DACH1: variants seen among roughly 807,000 people sequenced by gnomAD.
DACH1 encodes the protein dachshund homolog 1.
A neutral mutation model predicts 54.2 loss-of-function variants in DACH1; 12 were observed. The ratio of observed to expected loss-of-function variants is 0.22; its 90% CI spans 0.14 to 0.36. The LOEUF (loss-of-function observed/expected upper bound fraction) is 0.36. Ranked by LOEUF, DACH1 falls within the 10% of genes least tolerant of loss-of-function variation. DACH1 has a pLI of 1.00. For missense variants in DACH1, 805 were observed against 929.8 expected, an observed-to-expected ratio of 0.87 and a Z score of 1.75; for synonymous variants, 386 against 366.2, an observed-to-expected ratio of 1.05 and a Z score of -0.62.
intron 2 of DACH1, among the ~76,000 whole-genome samples, chr13:71,665,975 A>G (rs1879807635): frequency 6.6e-6 from 1 of 152,142 alleles, no homozygotes. Flanking sequence ...ATGAAATGAT[A>G]TATTAGCTAT....
intron 2 of DACH1, among the ~76,000 whole-genome samples, chr13:71,676,907 T>C (rs1880609347): frequency 6.6e-6 from 1 of 152,200 alleles, no homozygotes; most frequent in African/African-American, 2.4e-5. Context: ...AAAAGACATA[T>C]CCAACAGACA....
chr13:71,477,406 C>T (rs981131064), intron 8 of DACH1, among the ~76,000 whole-genome samples: 11 of 151,780 alleles, frequency 7.2e-5, no homozygotes, highest in African/African-American at 2.7e-4. Flanking sequence ...CAGGTGTGAG[C>T]CACCGTGCCC....
chr13:71,754,148 C>T (rs1885044604), intron 1 of DACH1, among the ~76,000 whole-genome samples: 2 of 151,956 alleles, frequency 1.3e-5, no homozygotes, highest in African/African-American at 2.4e-5. Flanking sequence ...TATGTATTTC[C>T]TCAAGCAAAG....
intron 1 of DACH1, among the ~76,000 whole-genome samples, chr13:71,764,531 G>C (rs917377934): frequency 6.6e-6 from 1 of 152,092 alleles, no homozygotes; most frequent in Non-Finnish European, 1.5e-5. Context: ...AACATAAACA[G>C]CCCACAAAAT....
At chr13:71,444,605 A>C (rs1174129655) in intron 10 of DACH1, among the ~76,000 whole-genome samples, 2 of 152,126 alleles carry the variant, frequency 1.3e-5, no homozygotes, top group African/African-American at 4.8e-5. Context: ...AAAGCAACTA[A>C]AGTATTAAAT....
intron 1 of DACH1, among the ~76,000 whole-genome samples, chr13:71,737,136 T>G (rs1884166892): frequency 4.0e-5 from 6 of 151,686 alleles, no homozygotes; most frequent in Admixed American, 3.9e-4. Flanking sequence ...GGCAGAAGAA[T>G]CGCTTGAACC....
rs1874805369 is a variant in DACH1 at position 71,866,517 on chromosome 13, CGCCTCCGCT to C, written c.244_252del (p.Ser82_Gly84del). 3.3e-6 allele frequency: 4 copies of C among 1,218,596 alleles called. No homozygotes were observed. In the African/African-American group the frequency reaches 5.5e-5, roughly 17 times the overall value. 75.5% of individuals were successfully genotyped at this position (1,218,596 alleles called of 1,614,324 possible). On this transcript the variant is annotated inframe_deletion, in exon 1 of 11. Transcript: ENST00000613252. ...CCTCCGTTGCCGCTGCTGCCGCCGCCGCCTCCGCTGCCGCCGCCGCCGCCGCCGCCGCCG... is the reference window on the plus strand; with the variant it reads ...CCTCCGTTGCCGCTGCTGCCGCCGCCGCCGCCGCCGCCGCCGCCGCCGCCG...
At chr13:71,673,751 A>C (rs1880363235) in intron 2 of DACH1, among the ~76,000 whole-genome samples, 1 of 152,150 alleles carries the variant, frequency 6.6e-6, no homozygotes, top group South Asian at 2.1e-4. Context: ...CCAGAACTTA[A>C]AGTATAATAA....
intron 6 of DACH1, among the ~76,000 whole-genome samples, chr13:71,494,761 T>G (rs1879266642): frequency 6.6e-6 from 1 of 151,982 alleles, no homozygotes; most frequent in Non-Finnish European, 1.5e-5. Flanking sequence ...TATAACAACA[T>G]ACAGTCAATT....
intron 6 of DACH1, among the ~76,000 whole-genome samples, chr13:71,521,940 C>A (rs1346605849): frequency 6.6e-6 from 1 of 152,090 alleles, no homozygotes; most frequent in East Asian, 1.9e-4. Context: ...TTCACATTTT[C>A]TCTTCACTTC....
At chr13:71,805,789 C>T (rs968419898) in intron 1 of DACH1, among the ~76,000 whole-genome samples, 7 of 152,038 alleles carry the variant, frequency 4.6e-5, no homozygotes, top group East Asian at 1.9e-4. Context: ...GAAAGAAATG[C>T]GATAATAATA....
At chr13:71,755,405 T>C (rs2137990280) in intron 1 of DACH1, among the ~76,000 whole-genome samples, 1 of 152,264 alleles carries the variant, frequency 6.6e-6, no homozygotes, top group East Asian at 1.9e-4. Flanking sequence ...GTGACATCAG[T>C]GGGCCAGACG....
At chr13:71,705,596 G>T (rs1882401409) in intron 1 of DACH1, among the ~76,000 whole-genome samples, 1 of 152,132 alleles carries the variant, frequency 6.6e-6, no homozygotes, top group Non-Finnish European at 1.5e-5. Flanking sequence ...CATAGCTCAA[G>T]CCTATCAATG....
At chr13:71,558,278 A>G (rs1235793061) in intron 5 of DACH1, among the ~76,000 whole-genome samples, 2 of 152,080 alleles carry the variant, frequency 1.3e-5, no homozygotes, top group African/African-American at 4.8e-5. Context: ...GATTTGCATT[A>G]TATTTGAAAA....
chr13:71,502,742 C>G (rs1303367806), intron 6 of DACH1, among the ~76,000 whole-genome samples: 1 of 152,206 alleles, frequency 6.6e-6, no homozygotes, highest in Non-Finnish European at 1.5e-5. Flanking sequence ...AGTCATGAAT[C>G]TGCCTCATTT....
intron 1 of DACH1, among the ~76,000 whole-genome samples, chr13:71,850,837 T>C (rs530946793): frequency 6.6e-6 from 1 of 152,328 alleles, no homozygotes; most frequent in Non-Finnish European, 1.5e-5. Flanking sequence ...TCAATAACTT[T>C]AAAATGCAAC....
chr13:71,474,869 A>C (rs1465864287), intron 10 of DACH1, among the ~76,000 whole-genome samples: 1 of 152,252 alleles, frequency 6.6e-6, no homozygotes, highest in Non-Finnish European at 1.5e-5. Flanking sequence ...TCAATAAAGC[A>C]CATTTACTGT....
chr13:71,684,962 A>G (rs1243459720), intron 1 of DACH1, among the ~76,000 whole-genome samples: 1 of 152,210 alleles, frequency 6.6e-6, no homozygotes, highest in South Asian at 2.1e-4. Context: ...AGAAAATAGA[A>G]TAGAGGGTTT....
chr13:71,465,877 G>T (rs796223633), intron 10 of DACH1, among the ~76,000 whole-genome samples: 1 of 152,118 alleles, frequency 6.6e-6, no homozygotes, highest in South Asian at 2.1e-4. Flanking sequence ...TCTACCTCTT[G>T]TCTGATACTC....
Sources: gnomAD v4.1 joint callset for allele counts (sites outside exome capture counted in the v4.1 genomes callset) on GRCh38, gnomAD v4.1.1 for gene constraint, MANE v1.5 for transcripts, NCBI Gene and HGNC (gene_info 2026-07-23, HGNC 2026-07-21) for gene names.